Variants in PLXNC1 observed in about 807,000 individuals in gnomAD.
PLXNC1 encodes the protein plexin-C1.
PLXNC1 carries 75 observed loss-of-function variants against 178.2 expected under a neutral mutation model. That is an observed-to-expected ratio of 0.42 (90% CI 0.35 to 0.51). PLXNC1 has a LOEUF of 0.51. PLXNC1 is among the 20% of genes least tolerant of loss of function. PLXNC1 has a pLI of 0.02. For synonymous variants in PLXNC1, 790 were observed against 779.9 expected (o/e 1.01, Z -0.22); for missense variants, 1,503 against 1,984.4 (o/e 0.76, Z 4.61).
intron 21 of PLXNC1, among the ~76,000 whole-genome samples, chr12:94,268,536 T>A (rs1247706828): frequency 2.7e-5 from 4 of 150,876 alleles, no homozygotes; most frequent in Non-Finnish European, 5.9e-5. Context: ...AGGACTTTAG[T>A]CTTTCCTTAA....
intron 11 of PLXNC1, among the ~76,000 whole-genome samples, chr12:94,240,998 T>C (rs879792895): frequency 6.6e-6 from 1 of 152,200 alleles, no homozygotes; most frequent in African/African-American, 2.4e-5. Flanking sequence ...CTTACCTCTT[T>C]CATTTTATAG....
intron 17 of PLXNC1, among the ~76,000 whole-genome samples, chr12:94,256,447 G>A (rs1964842750): frequency 6.6e-6 from 1 of 152,076 alleles, no homozygotes; most frequent in African/African-American, 2.4e-5. Flanking sequence ...TTTTTGTGCT[G>A]GTGAAGTTTG....
At chr12:94,278,464 C>T (rs1026052292) in intron 21 of PLXNC1, among the ~76,000 whole-genome samples, 2 of 152,236 alleles carry the variant, frequency 1.3e-5, no homozygotes, top group Non-Finnish European at 2.9e-5. Context: ...TGTTTTCACA[C>T]GTGCACAAAG....
At chr12:94,174,447 G>A (rs1351304752) in intron 2 of PLXNC1, among the ~76,000 whole-genome samples, 1 of 152,016 alleles carries the variant, frequency 6.6e-6, no homozygotes, top group Non-Finnish European at 1.5e-5. Context: ...CAAAGAGCTG[G>A]GATTACAGGC....
intron 4 of PLXNC1, among the ~76,000 whole-genome samples, chr12:94,187,656 A>G (rs2135969542): frequency 6.6e-6 from 1 of 152,326 alleles, no homozygotes; most frequent in African/African-American, 2.4e-5. Context: ...ATAATCTTTT[A>G]GATCCATTCA....
chr12:94,279,509 A>G lies in PLXNC1; in HGVS notation c.3635A>G (p.Glu1212Gly), dbSNP rs1304669454. The G allele has an allele frequency of 6.2e-7, 1 of 1,613,752 alleles. No individual in the cohort carries two copies. The highest frequency in any genetic ancestry group is 8.5e-7 in the Non-Finnish European group (1 of 1,179,794). Residue 1212 changes from glutamate (E) to glycine (G), a missense_variant, in exon 22 of 31, where the codon GAG becomes GGG. Glu to Gly is a moderately conservative substitution (Grantham distance 98, BLOSUM62 -2). Transcript: ENST00000258526. Reference sequence around the variant, plus strand: ...GTCTTTGAAAAAATCCCGGAAAACGAGAGTGCAGATGTCTGTCGGAATATT... The same window carrying G: ...GTCTTTGAAAAAATCCCGGAAAACGGGAGTGCAGATGTCTGTCGGAATATT... Reference protein sequence around the residue: ...NVVFEKIPENESADVCRNISV... With the variant: ...NVVFEKIPENGSADVCRNISV...
intron 23 of PLXNC1, among the ~76,000 whole-genome samples, chr12:94,290,474 T>G (rs1472558696): frequency 6.6e-6 from 1 of 152,264 alleles, no homozygotes; most frequent in Non-Finnish European, 1.5e-5. Flanking sequence ...TGGAGTCACT[T>G]TGCAGAGGCC....
At chr12:94,220,242 A>C in intron 6 of PLXNC1, 79 bp downstream of exon 6, 1 of 1,392,936 alleles carries the variant, frequency 7.2e-7, no homozygotes, top group Non-Finnish European at 1.0e-6. Context: ...TTGCCCAAGG[A>C]ATATGAATAG....
intron 4 of PLXNC1, among the ~76,000 whole-genome samples, chr12:94,187,895 T>C (rs761017307): frequency 4.6e-5 from 7 of 151,374 alleles, no homozygotes; most frequent in Non-Finnish European, 5.9e-5. Context: ...AAGGAGTGAG[T>C]GTTGATTGAG....
chr12:94,199,535 G>T (rs563548805), intron 4 of PLXNC1, among the ~76,000 whole-genome samples: 1 of 152,158 alleles, frequency 6.6e-6, no homozygotes, highest in Admixed American at 6.5e-5. Flanking sequence ...CATGCATCTG[G>T]GTTACTGTGA....
intron 2 of PLXNC1, among the ~76,000 whole-genome samples, chr12:94,173,879 C>T (rs965829927): frequency 6.6e-6 from 1 of 152,208 alleles, no homozygotes; most frequent in Non-Finnish European, 1.5e-5. Context: ...GCCCGCTCCT[C>T]TCTGAGCTGC....
At chr12:94,183,456 C>T (rs973323168) in intron 3 of PLXNC1, among the ~76,000 whole-genome samples, 1 of 152,194 alleles carries the variant, frequency 6.6e-6, no homozygotes, top group African/African-American at 2.4e-5. Flanking sequence ...GTCTACCCAA[C>T]AAACTGCACA....
chr12:94,260,829 G>A lies in PLXNC1; in HGVS notation c.3439G>A (p.Gly1147Arg). 6.2e-7 allele frequency: 1 copy of A among 1,614,076 alleles called. No homozygotes were observed. Among genetic ancestry groups the A allele is most frequent in the Non-Finnish European group, 8.5e-7 (1 of 1,179,976 alleles). ...LTNWMSVCLS[G>R]FLRETVGEPF... Reference sequence around the variant, plus strand: ...AAACTGGATGTCCGTCTGCCTTTCTGGATTTCTCCGGGTAAGTGTCACATC... The same window carrying A: ...AAACTGGATGTCCGTCTGCCTTTCTAGATTTCTCCGGGTAAGTGTCACATC... Residue 1147 changes from glycine (G) to arginine (R), a missense_variant, in exon 20 of 31, where the codon GGA becomes AGA. This residue lies in a region of PLXNC1 where 639 missense variants were observed against 979.7 expected (regional missense o/e 0.65). Coordinates refer to ENST00000258526, the MANE Select transcript of PLXNC1 (RefSeq NM_005761.3). This position sits in a 1 kb window ranked among gnomAD's most constrained non-coding sequence, Gnocchi z 4.4.
chr12:94,166,337 A>G (rs146264610), intron 1 of PLXNC1, among the ~76,000 whole-genome samples: 12 of 152,284 alleles, frequency 7.9e-5, no homozygotes, highest in Non-Finnish European at 1.6e-4. Flanking sequence ...CATTTCCATC[A>G]TATGGAGGAG....
chr12:94,187,138 A>G (rs1397996768), intron 4 of PLXNC1, among the ~76,000 whole-genome samples: 1 of 151,686 alleles, frequency 6.6e-6, no homozygotes, highest in Non-Finnish European at 1.5e-5. Flanking sequence ...TGGAGAAGCA[A>G]AGGAGGAGAG....
chr12:94,304,094 A>G, intron 30 of PLXNC1, 43 bp downstream of exon 30: 1 of 1,207,478 alleles, frequency 8.3e-7, no homozygotes, highest in South Asian at 1.3e-5. Context: ...TGAATCAGGC[A>G]CAAGGATGTG....
intron 4 of PLXNC1, 102 bp from the exon 5 acceptor site, chr12:94,209,488 A>G: frequency 1.4e-6 from 1 of 708,086 alleles, no homozygotes; most frequent in Non-Finnish European, 2.6e-6. Flanking sequence ...GGCATTTTGT[A>G]CTGAAGCCAA....
chr12:94,256,844 CAAAAAAAAA>C (rs35718233), intron 17 of PLXNC1, among the ~76,000 whole-genome samples: 5 of 110,994 alleles, frequency 4.5e-5, no homozygotes, highest in Non-Finnish European at 7.4e-5. Flanking sequence ...TGAGTGTTTC[CAAAAAAAAA>C]AAAAAAAAAA....
intron 21 of PLXNC1, among the ~76,000 whole-genome samples, chr12:94,276,071 T>G (rs1326767424): frequency 6.6e-6 from 1 of 152,208 alleles, no homozygotes; most frequent in Non-Finnish European, 1.5e-5. Flanking sequence ...GTTTTTTCTT[T>G]TGGTTATGTT....
Sources: gnomAD v4.1 joint callset for allele counts (sites outside exome capture counted in the v4.1 genomes callset) on GRCh38, gnomAD v4.1.1 for gene constraint, gnomAD v4.1.1 regional missense constraint, Gnocchi (gnomAD v3.1) non-coding constraint, MANE v1.5 for transcripts, NCBI Gene and HGNC (gene_info 2026-07-23, HGNC 2026-07-21) for gene names.